The following ADGRB3 variants were observed in gnomAD, a reference collection of about 807,000 sequenced individuals.
ADGRB3 encodes the protein adhesion G protein-coupled receptor B3, also known as brain-specific angiogenesis inhibitor 3.
ADGRB3 carries 37 observed loss-of-function variants against 193.4 expected under a neutral mutation model. That is an observed-to-expected ratio of 0.19 (90% CI 0.15 to 0.25). The LOEUF is 0.25. Among genes scored for constraint, ADGRB3 ranks in the 10% least tolerant of loss-of-function variants. The pLI is 1.00. For missense variants in ADGRB3, 1,637 were observed against 1,852.9 expected, an observed-to-expected ratio of 0.88 and a Z score of 2.14; for synonymous variants, 690 against 644.2, an observed-to-expected ratio of 1.07 and a Z score of -1.08.
intron 11 of ADGRB3, among the ~76,000 whole-genome samples, chr6:69,011,316 C>T (rs574201172): frequency 1.3e-5 from 2 of 152,070 alleles, no homozygotes; most frequent in African/African-American, 2.4e-5. Context: ...TGAAATCATG[C>T]CCTGTGCTGC....
chr6:69,300,661 A>G (rs1028446210), intron 20 of ADGRB3, among the ~76,000 whole-genome samples: 2 of 151,810 alleles, frequency 1.3e-5, no homozygotes, highest in Non-Finnish European at 2.9e-5. Flanking sequence ...CAGCATTTAC[A>G]TATGCTACTG....
intron 3 of ADGRB3, among the ~76,000 whole-genome samples, chr6:68,731,262 G>A (rs952239417): frequency 3.3e-5 from 5 of 151,122 alleles, no homozygotes; most frequent in African/African-American, 4.9e-5. Flanking sequence ...CTCGTGTTAC[G>A]GATTTAATAC....
At chr6:69,386,001 C>T (rs1269930916) in intron 31 of ADGRB3, among the ~76,000 whole-genome samples, 1 of 152,022 alleles carries the variant, frequency 6.6e-6, no homozygotes, top group Admixed American at 6.6e-5. Flanking sequence ...ACTAAAGAAG[C>T]CTCTGACCTA....
intron 20 of ADGRB3, among the ~76,000 whole-genome samples, chr6:69,320,636 C>A (rs896969886): frequency 2.0e-5 from 3 of 151,644 alleles, no homozygotes; most frequent in Non-Finnish European, 4.4e-5. Flanking sequence ...GTTACTTTCT[C>A]TTAGAATGTT....
intron 13 of ADGRB3, among the ~76,000 whole-genome samples, chr6:69,045,335 G>A (rs1224214899): frequency 3.9e-5 from 6 of 152,230 alleles, no homozygotes; most frequent in South Asian, 2.1e-4. Context: ...CCTATCTAGC[G>A]TAGAGGTAAA....
intron 17 of ADGRB3, among the ~76,000 whole-genome samples, chr6:69,167,279 A>G (rs557138933): frequency 6.6e-6 from 1 of 152,304 alleles, no homozygotes; most frequent in African/African-American, 2.4e-5. Context: ...TTTGAGAATC[A>G]GTTTAAAGAA....
chr6:69,200,671 T>G (rs1765401116), intron 17 of ADGRB3, among the ~76,000 whole-genome samples: 1 of 152,100 alleles, frequency 6.6e-6, no homozygotes, highest in South Asian at 2.1e-4. Context: ...TCTGCAAGCC[T>G]TCTCAGCTGC....
intron 17 of ADGRB3, among the ~76,000 whole-genome samples, chr6:69,102,153 G>A (rs1288739231): frequency 6.7e-6 from 1 of 150,356 alleles, no homozygotes; most frequent in East Asian, 2.0e-4. Flanking sequence ...ACTCCAGCCT[G>A]GGCGACAGAG....
chr6:68,729,262 A>G (rs1028875482), intron 3 of ADGRB3, among the ~76,000 whole-genome samples: 1 of 151,592 alleles, frequency 6.6e-6, no homozygotes, highest in Admixed American at 6.6e-5. Context: ...CCAATGCTAA[A>G]TCTAGAAGTC....
At chr6:69,130,505 T>C (rs1773977854) in intron 17 of ADGRB3, among the ~76,000 whole-genome samples, 1 of 150,202 alleles carries the variant, frequency 6.7e-6, no homozygotes, top group East Asian at 2.0e-4. Flanking sequence ...TATTTTGAAT[T>C]GACTAAAGTA....
At chr6:68,681,357 C>T (rs1362457293) in intron 3 of ADGRB3, among the ~76,000 whole-genome samples, 2 of 152,122 alleles carry the variant, frequency 1.3e-5, no homozygotes, top group African/African-American at 4.8e-5. Context: ...CAGCATCTCC[C>T]TTTGTTTCCC....
At chr6:69,176,239 A>G (rs1322557610) in intron 17 of ADGRB3, among the ~76,000 whole-genome samples, 5 of 152,160 alleles carry the variant, frequency 3.3e-5, no homozygotes, top group Non-Finnish European at 2.9e-5. Flanking sequence ...ATGCTTCTAC[A>G]TTCTGCACAT....
At chr6:69,150,361 C>G (rs944108377) in intron 17 of ADGRB3, among the ~76,000 whole-genome samples, 1 of 152,130 alleles carries the variant, frequency 6.6e-6, no homozygotes, top group East Asian at 1.9e-4. Flanking sequence ...TTTTAACAGG[C>G]AGAAAAGTCT....
At chr6:68,951,668 CAG>C (rs1767923602) in intron 6 of ADGRB3, among the ~76,000 whole-genome samples, 1 of 152,132 alleles carries the variant, frequency 6.6e-6, no homozygotes. Flanking sequence ...TCTTTTCTGA[CAG>C]AATGCTGAGA....
At chr6:68,680,002 C>T (rs2746140) in intron 3 of ADGRB3, among the ~76,000 whole-genome samples, 57,861 of 151,822 alleles carry the variant, frequency 0.38, 11,598 homozygotes, top group East Asian at 0.59. Context: ...GTGGGATTAG[C>T]GCCCTTACAA....
At chr6:68,760,941 T>C (rs2127351125) in intron 3 of ADGRB3, among the ~76,000 whole-genome samples, 1 of 152,366 alleles carries the variant, frequency 6.6e-6, no homozygotes, top group African/African-American at 2.4e-5. Context: ...TAATTTTTCC[T>C]TTTGCTAAAC....
intron 17 of ADGRB3, among the ~76,000 whole-genome samples, chr6:69,193,382 T>C (rs1473941432): frequency 2.0e-5 from 3 of 152,198 alleles, no homozygotes; most frequent in Admixed American, 6.5e-5. Context: ...TCTCACTTGT[T>C]GTCTTGATGA....
chr6:69,294,300 A>G (rs1767761244), intron 20 of ADGRB3, among the ~76,000 whole-genome samples: 1 of 152,130 alleles, frequency 6.6e-6, no homozygotes, highest in Admixed American at 6.6e-5. Context: ...ATGTTTTCTG[A>G]CAATCTGAAT....
At chr6:68,924,486 T>C (rs1767125875) in intron 3 of ADGRB3, among the ~76,000 whole-genome samples, 1 of 152,072 alleles carries the variant, frequency 6.6e-6, no homozygotes, top group Non-Finnish European at 1.5e-5. Context: ...TACAGCATTA[T>C]TGTCTAAATA....
Sources: gnomAD v4.1 joint callset for allele counts (sites outside exome capture counted in the v4.1 genomes callset) on GRCh38, gnomAD v4.1.1 for gene constraint, MANE v1.5 for transcripts, NCBI Gene and HGNC (gene_info 2026-07-23, HGNC 2026-07-21) for gene names.